The following ELP1 variants were observed in gnomAD, a reference collection of about 807,000 sequenced individuals.
ELP1 encodes elongator acetyltransferase complex subunit 1, also known as elongator complex protein 1.
A neutral mutation model predicts 183.2 loss-of-function variants in ELP1; 131 were observed. The observed-to-expected ratio is 0.72, with a 90% CI of 0.62 to 0.83. The LOEUF (loss-of-function observed/expected upper bound fraction) is 0.83, where lower values mean the gene tolerates loss of function less well. ELP1 is among the 40% of genes least tolerant of loss of function. The probability of loss-of-function intolerance (pLI) is 0.00; values close to 1 mark genes in which losing one functional copy is unlikely to be tolerated. For missense variants in ELP1, 1,550 were observed against 1,594.9 expected (o/e 0.97, Z 0.48); for synonymous variants, 555 against 569.0 (o/e 0.98, Z 0.35).
chr9:108,880,190 T>A, intron 31 of ELP1, 25 bp from the exon 32 acceptor site: 5 of 1,467,876 alleles, frequency 3.4e-6, no homozygotes, highest in Non-Finnish European at 3.8e-6. Flanking sequence ...TGGAAAATAG[T>A]TTGAGCATGA....
At chr9:108,893,466 C>A (rs1828417362) in intron 26 of ELP1, among the ~76,000 whole-genome samples, 1 of 152,206 alleles carries the variant, frequency 6.6e-6, no homozygotes, top group Non-Finnish European at 1.5e-5. Flanking sequence ...CCAGGTGATT[C>A]TTCCTTTCCC....
At position 108,892,976 on chromosome 9, in the gene ELP1, T is replaced by A. The variant is rs768709875; in HGVS notation, c.2958+10A>T. 1.2e-5 allele frequency: 19 copies of A among 1,601,062 alleles called. No individual in the cohort carries two copies. Among genetic ancestry groups the A allele is most frequent in the Middle Eastern group, 1.6e-4 (1 of 6,066 alleles). On this transcript the variant is annotated intron_variant, in intron 27 of 36. Transcript: ENST00000374647. ...AAACCAGGAGAGCCTCATTTTCACA[T>A]ACCACATACCTGGTACTGTTGTGAG...
intron 23 of ELP1, 26 bp from the exon 24 acceptor site, chr9:108,897,064 G>C (rs1442355846): frequency 1.2e-6 from 2 of 1,613,098 alleles, no homozygotes; most frequent in Non-Finnish European, 8.5e-7. Flanking sequence ...AAGAACACCA[G>C]AATGAGAAAG....
At chr9:108,891,452 T>C (rs1311606324) in intron 27 of ELP1, 48 bp from the exon 28 acceptor site, 1 of 1,558,138 alleles carries the variant, frequency 6.4e-7, no homozygotes, top group Admixed American at 1.7e-5. Flanking sequence ...TGACAATCAT[T>C]TCTCTAAAGC....
chr9:108,899,299 C>CA (rs986833459), intron 20 of ELP1, among the ~76,000 whole-genome samples: 104 of 130,102 alleles, frequency 8.0e-4, no homozygotes, highest in African/African-American at 2.1e-3. Context: ...GACTCTGTCT[C>CA]AAAAAAAAAA....
intron 31 of ELP1, 59 bp downstream of exon 31, chr9:108,881,646 C>T: frequency 9.7e-7 from 1 of 1,032,532 alleles, no homozygotes; most frequent in Non-Finnish European, 1.5e-6. Flanking sequence ...GAGACTCTCT[C>T]ATCTCTCTCT....
At position 108,881,793 on chromosome 9, in the gene ELP1, G is replaced by C. The variant is rs374070457; in HGVS notation, c.3286-28C>G. ...AGAAGGAAAAACACAATAATTTTAGGAAGGAAAACTTCTAGTCACTGGAGA... is the reference window on the plus strand; with the variant it reads ...AGAAGGAAAAACACAATAATTTTAGCAAGGAAAACTTCTAGTCACTGGAGA... On this transcript the variant is annotated intron_variant, in intron 30 of 36. Transcript: ENST00000374647. 1.4e-5 allele frequency: 18 copies of C among 1,308,518 alleles called. No homozygotes were observed. The African/African-American group carries it at 2.6e-4, about 19-fold the overall frequency. The allele number at this position is 1,308,518 out of a possible 1,614,324, so 81.1% of individuals were successfully genotyped here.
At position 108,918,078 on chromosome 9, in the gene ELP1, C is replaced by T. The variant is rs143130374; in HGVS notation, c.741-408G>A. On this transcript the variant is annotated intron_variant, in intron 8 of 36. Coordinates refer to ENST00000374647, the MANE Select transcript of ELP1 (RefSeq NM_003640.5). ...ATGCTCCAGTAGGTCTTTTTTAAGA[C>T]TTCACCAAATGTTGAAAACATCTTA... Among the ~76,000 whole-genome samples, 297 of 152,248 alleles carry T rather than the reference C, an allele frequency of 2.0e-3. 2 individuals are homozygous for T. Among genetic ancestry groups the T allele is most frequent in the African/African-American group, 6.7e-3 (280 of 41,534 alleles).
rs112361331 is a variant in ELP1 at position 108,922,796 on chromosome 9, T to G, written c.552+46A>C. 5.3e-5 allele frequency: 76 copies of G among 1,429,380 alleles called. No homozygotes were observed. In the African/African-American group the frequency reaches 9.7e-4, roughly 18 times the overall value. 88.5% of individuals were successfully genotyped at this position (1,429,380 alleles called of 1,614,324 possible). A position where few individuals can be genotyped will look rare whatever the true frequency, so the allele number is the denominator to read the frequency against. ...AAGAGTTCCTGGTGGGTGGCAAACT[T>G]ACATTTGTTCCAGTCAAGGCTTTTT... On this transcript the variant is annotated intron_variant, in intron 6 of 36. Coordinates refer to ENST00000374647, the MANE Select transcript of ELP1 (RefSeq NM_003640.5).
At chr9:108,927,882 A>T (rs1039961771) in intron 3 of ELP1, among the ~76,000 whole-genome samples, 2 of 152,210 alleles carry the variant, frequency 1.3e-5, no homozygotes, top group African/African-American at 4.8e-5. Flanking sequence ...TGGTTACCAG[A>T]GGCTGGGAAG....
intron 13 of ELP1, 136 bp downstream of exon 13, chr9:108,908,169 A>C: frequency 1.4e-6 from 1 of 708,754 alleles, no homozygotes; most frequent in South Asian, 1.6e-5. Flanking sequence ...ATCAGATCCG[A>C]AAGTCAGGGC....
intron 32 of ELP1, 28 bp downstream of exon 32, chr9:108,880,024 C>A: frequency 7.0e-7 from 1 of 1,420,948 alleles, no homozygotes; most frequent in Non-Finnish European, 1.0e-6. Flanking sequence ...TGCCCCCGCA[C>A]GTCGATGGCC....
intron 13 of ELP1, among the ~76,000 whole-genome samples, chr9:108,907,789 T>C (rs1266692435): frequency 2.6e-5 from 4 of 152,234 alleles, no homozygotes; most frequent in Non-Finnish European, 5.9e-5. Context: ...CTAGGTCATT[T>C]TGCAAATGCC....
chr9:108,891,404 C>T lies in ELP1; in HGVS notation c.2959G>A (p.Asp987Asn), dbSNP rs760684727. Reference protein sequence around the residue: ...LYSPSSQQYQDISIAYGEHLM... With the variant: ...LYSPSSQQYQNISIAYGEHLM... ...TGCTCCCCATAAGCAATGCTGATAT[C>T]CTGTGACAAGAGGAGATTTAGGACT... The change falls in exon 28 of 37, where the codon GAT (aspartate) becomes AAT (asparagine). Residue 987 changes from aspartate (D) to asparagine (N), a missense_variant and splice_region_variant. Asp to Asn is a conservative substitution (Grantham distance 23). Coordinates refer to ENST00000374647, the MANE Select transcript of ELP1 (RefSeq NM_003640.5). The T allele has an allele frequency of 2.5e-6, 4 of 1,613,120 alleles. No individual in the cohort carries two copies. Among genetic ancestry groups the T allele is most frequent in the Non-Finnish European group, 3.4e-6 (4 of 1,179,838 alleles).
Position 108,900,365 on chromosome 9 carries a change from G to T in ELP1, c.2025C>A (p.Ala675=), listed in dbSNP as rs200532312. 2 of 1,613,456 alleles carry T rather than the reference G, an allele frequency of 1.2e-6. No individual in the cohort carries two copies. The highest frequency in any genetic ancestry group is 1.7e-6 in the Non-Finnish European group (2 of 1,179,444). ...LRDASFKTLQ[A]GLSSNHVSHG... ...GGGACACATGATTGCTGCTCAGGCC[G>T]GCCTGTAATGCTAAACACACCATTA... Residue 675 remains alanine, a synonymous_variant, in exon 19 of 37, where the codon GCC becomes GCA. Coordinates refer to ENST00000374647, the MANE Select transcript of ELP1 (RefSeq NM_003640.5).
rs2118934304 is a variant in ELP1, at chr9:108,878,088, T to C, written c.3762A>G (p.Glu1254=). ...GCGTATCTTCAAAGGCCTTCTGTAA[T>C]TCCCTTCCTTGTTCATCAAACTCAA... The part of the protein sequence containing the change: ...FLFEFDEQGR[E]LQKAFEDTLQ... The change falls in exon 35 of 37, where the codon GAA becomes GAG. Residue 1254 remains glutamate (E), a synonymous_variant. Coordinates refer to ENST00000374647, the MANE Select transcript of ELP1 (RefSeq NM_003640.5). 4 of 1,613,190 alleles carry C rather than the reference T, an allele frequency of 2.5e-6. No individual in the cohort carries two copies. The highest frequency in any genetic ancestry group is 3.4e-6 in the Non-Finnish European group (4 of 1,179,108).
chr9:108,932,376 T>C (rs1830027494), intron 1 of ELP1, among the ~76,000 whole-genome samples: 1 of 152,192 alleles, frequency 6.6e-6, no homozygotes, highest in Non-Finnish European at 1.5e-5. Context: ...AGTTTCGCTC[T>C]TATTGCCCAG....
Position 108,902,862 on chromosome 9 carries a change from C to T in ELP1, c.1831G>A (p.Glu611Lys), listed in dbSNP as rs1198964450. ...VRFPYPCTQT[E>K]LAMIGEEECV... ...ACCTCTTCTCCAATCATGGCCAATT[C>T]GGTCTGGGTGCATGGATAAGGAAAC... Residue 611 changes from glutamate (E) to lysine (K), a missense_variant, in exon 16 of 37, where the codon GAA (glutamate) becomes AAA (lysine). Transcript: ENST00000374647. The T allele has an allele frequency of 9.9e-6, 16 of 1,613,520 alleles. No homozygotes were observed. Among genetic ancestry groups the T allele is most frequent in the African/African-American group, 1.3e-5 (1 of 74,888 alleles).
chr9:108,906,114 T>C (rs1310416063), intron 14 of ELP1, among the ~76,000 whole-genome samples, 189 bp downstream of exon 14: 1 of 152,204 alleles, frequency 6.6e-6, no homozygotes, highest in Non-Finnish European at 1.5e-5. Flanking sequence ...CACCACTTTT[T>C]GATATATTTT....
Sources: gnomAD v4.1 joint callset for allele counts (sites outside exome capture counted in the v4.1 genomes callset) on GRCh38, gnomAD v4.1.1 for gene constraint, MANE v1.5 for transcripts, NCBI Gene and HGNC (gene_info 2026-07-23, HGNC 2026-07-21) for gene names.